Variants in KANSL3 observed in about 807,000 individuals in gnomAD.
KANSL3 encodes the protein KAT8 regulatory NSL complex subunit 3, also known as NSL complex protein NSL3.
KANSL3 carries 16 observed loss-of-function variants against 89.2 expected under a neutral mutation model. The ratio of observed to expected loss-of-function variants is 0.18; its 90% CI spans 0.12 to 0.27. The LOEUF is 0.27. KANSL3 is among the 10% of genes least tolerant of loss of function. The pLI, the probability that KANSL3 is intolerant of heterozygous loss-of-function variation, is 1.00. For synonymous variants in KANSL3, 385 were observed against 419.7 expected, an observed-to-expected ratio of 0.92 and a Z score of 1.01; for missense variants, 879 against 1,110.6, an observed-to-expected ratio of 0.79 and a Z score of 2.96.
chr2:96,582,108 C>T, the KANSL3 span, among the ~76,000 whole-genome samples: 1 of 152,086 alleles, frequency 6.6e-6, no homozygotes, highest in Non-Finnish European at 1.5e-5. Context: ...GTCAGTAACT[C>T]GGCCAGGTGC....
chr2:96,589,453 G>GA (rs2066259535), downstream of KANSL3, among the ~76,000 whole-genome samples: 1 of 152,168 alleles, frequency 6.6e-6, no homozygotes, highest in Admixed American at 6.5e-5. Flanking sequence ...AACAGGGACA[G>GA]AGGGACATTA....
intron 2 of KANSL3, 39 bp from the exon 3 acceptor site, chr2:96,631,521 C>T: frequency 6.4e-7 from 1 of 1,552,058 alleles, no homozygotes; most frequent in Non-Finnish European, 8.7e-7. Flanking sequence ...GCCACACATA[C>T]TTCACAGGTA....
At chr2:96,636,893 C>A in intron 2 of KANSL3, 28 bp downstream of exon 2, 1 of 1,479,830 alleles carries the variant, frequency 6.8e-7, no homozygotes, top group South Asian at 1.4e-5. Flanking sequence ...AGTGAGGTTA[C>A]CAGCAGCCCT....
intron 20 of KANSL3, 108 bp downstream of exon 20, chr2:96,601,535 G>A: frequency 6.9e-7 from 1 of 1,438,856 alleles, no homozygotes; most frequent in Admixed American, 2.8e-5. Flanking sequence ...ATTTGAATCT[G>A]AATCTCGTCT....
rs1008580058 is a variant in KANSL3, at chr2:96,613,599, C to A, written c.684G>T (p.Arg228=). The A allele has an allele frequency of 6.2e-7, 1 of 1,612,778 alleles. No homozygotes were observed. The highest frequency in any genetic ancestry group is 8.5e-7 in the Non-Finnish European group (1 of 1,179,384). Residue 228 remains arginine (R), a synonymous_variant, in exon 6 of 21, where the codon CGG becomes CGT. Coordinates refer to ENST00000431828, the MANE Select transcript of KANSL3 (RefSeq NM_001115016.3). ...LKGKIPTLID[R]MLVSSNTKTG... is the part of the protein sequence containing the mutation. Reference sequence around the variant, plus strand: ...TCTTTGTGTTGGATGACACAAGCATCCGGTCAATCAAGGTTGGGATCTACA... The same window carrying A: ...TCTTTGTGTTGGATGACACAAGCATACGGTCAATCAAGGTTGGGATCTACA...
Position 96,608,908 on chromosome 2 carries a change from C to A in KANSL3, c.1540G>T (p.Ala514Ser), listed in dbSNP as rs2068417397. 3.2e-6 allele frequency: 5 copies of A among 1,574,832 alleles called. No homozygotes were observed. The Admixed American group carries it at 9.3e-5, about 29-fold the overall frequency. Reference sequence around the variant, plus strand: ...GCGGGCAGCTTGGCAGCTGGGGAGGCAGGTCGACTGCCCCGCTCAGGGACT... The same window carrying A: ...GCGGGCAGCTTGGCAGCTGGGGAGGAAGGTCGACTGCCCCGCTCAGGGACT... The part of the protein sequence containing the change: ...FEVPERGSRP[A>S]SPAAKLPASP... The change falls in exon 13 of 21, where the codon GCC (alanine) becomes TCC (serine). Residue 514 changes from alanine (A) to serine (S), a missense_variant. Around this residue, in one of 6 missense-constraint regions of KANSL3, gnomAD observed 317 missense variants for 311.2 expected, o/e 1.02. Transcript: ENST00000431828.
chr2:96,632,296 G>A (rs530130989), intron 2 of KANSL3, among the ~76,000 whole-genome samples: 110 of 152,186 alleles, frequency 7.2e-4, no homozygotes, highest in Non-Finnish European at 1.4e-3. Context: ...GCAAAACCCC[G>A]TCTCTAAAAC....
chr2:96,636,666 CA>C, intron 2 of KANSL3: 1 of 400,894 alleles, frequency 2.5e-6, no homozygotes, highest in East Asian at 3.9e-5. Context: ...CCCCTTTCCA[CA>C]CGTCCTACTA....
In KANSL3 at chr2:96,636,785, CT is replaced by C; in HGVS notation, c.215+135del. On this transcript the variant is annotated intron_variant, in intron 2 of 20. Transcript: ENST00000431828. The stretch of plus-strand genomic sequence containing the variant: ...ATTCAAGCCTGCTATCCTTATGCTG[CT>C]TAAGAGATGCCTGAATTTAACATCC... 4.1e-6 allele frequency: 3 copies of C among 735,256 alleles called. No individual in the cohort carries two copies. In the South Asian group the frequency reaches 6.0e-5, roughly 15 times the overall value. 45.5% of individuals were successfully genotyped at this position (735,256 alleles called of 1,614,324 possible). A position where few individuals can be genotyped will look rare whatever the true frequency, so the allele number is the denominator to read the frequency against.
intron 3 of KANSL3, among the ~76,000 whole-genome samples, chr2:96,626,571 A>G (rs1479525040): frequency 6.6e-6 from 1 of 152,210 alleles, no homozygotes; most frequent in Non-Finnish European, 1.5e-5. Context: ...ACATTCTTTC[A>G]CTAAAATGTT....
chr2:96,611,320 T>C (rs548017768), intron 9 of KANSL3, among the ~76,000 whole-genome samples, 182 bp from the exon 10 acceptor site: 1 of 152,240 alleles, frequency 6.6e-6, no homozygotes, highest in South Asian at 2.1e-4. Context: ...AGGTATGTCA[T>C]TCCATAAGCA....
intron 2 of KANSL3, among the ~76,000 whole-genome samples, chr2:96,632,822 C>T (rs1003231016): frequency 1.3e-5 from 2 of 151,692 alleles, no homozygotes; most frequent in African/African-American, 2.4e-5. Context: ...AAAATTTAGC[C>T]AGCCATGGTA....
At chr2:96,623,865 T>C (rs773988956) in intron 3 of KANSL3, among the ~76,000 whole-genome samples, 7 of 152,242 alleles carry the variant, frequency 4.6e-5, no homozygotes, top group Non-Finnish European at 1.0e-4. Context: ...GGGATGACTG[T>C]CTTCTTCAGA....
the KANSL3 span, among the ~76,000 whole-genome samples, chr2:96,586,601 T>A: frequency 6.6e-6 from 1 of 152,234 alleles, no homozygotes; most frequent in Admixed American, 6.5e-5. Flanking sequence ...TATTTCATTT[T>A]CCTTTCATGG....
intron 2 of KANSL3, chr2:96,636,660 T>C (rs2074288260): frequency 5.1e-6 from 2 of 393,770 alleles, no homozygotes; most frequent in Admixed American, 8.2e-5. Context: ...GATTTTCCCC[T>C]TTCCACACGT....
intron 5 of KANSL3, among the ~76,000 whole-genome samples, chr2:96,614,169 G>A (rs1330093649): frequency 6.6e-6 from 1 of 152,162 alleles, no homozygotes; most frequent in Non-Finnish European, 1.5e-5. Flanking sequence ...TTGGCTCACT[G>A]CCACCTCTGC....
chr2:96,613,659 C>G, intron 5 of KANSL3, 40 bp from the exon 6 acceptor site: 2 of 1,595,050 alleles, frequency 1.3e-6, no homozygotes, highest in South Asian at 1.1e-5. Context: ...CAGTGTAAAG[C>G]AGGAGACCTT....
intron 3 of KANSL3, 58 bp downstream of exon 3, chr2:96,631,254 A>G (rs1276593007): frequency 8.0e-7 from 1 of 1,252,338 alleles, no homozygotes; most frequent in Non-Finnish European, 1.2e-6. Flanking sequence ...TGTTATTTCA[A>G]TGAAGATGAT....
In KANSL3 at chr2:96,593,494, T is replaced by C. The variant is rs1257329609; in HGVS notation, c.*2117A>G. The C allele has an allele frequency of 5.5e-6, 2 of 363,636 alleles. No individual in the cohort carries two copies. Among genetic ancestry groups the C allele is most frequent in the Non-Finnish European group, 1.1e-5 (2 of 183,586 alleles). The allele number at this position is 363,636 out of a possible 1,614,324, so 22.5% of individuals were successfully genotyped here. A position where few individuals can be genotyped will look rare whatever the true frequency, so the allele number is the denominator to read the frequency against. ...AAGAAATATAGTTTGCGAAGGGAAC[T>C]GGAAAACGTGACTCTAGGCCTCAGC... On this transcript the variant is annotated 3_prime_UTR_variant, in exon 21 of 21. Coordinates refer to ENST00000431828, the MANE Select transcript of KANSL3 (RefSeq NM_001115016.3).
Sources: gnomAD v4.1 joint callset for allele counts (sites outside exome capture counted in the v4.1 genomes callset) on GRCh38, gnomAD v4.1.1 for gene constraint, gnomAD v4.1.1 regional missense constraint, MANE v1.5 for transcripts, NCBI Gene and HGNC (gene_info 2026-07-23, HGNC 2026-07-21) for gene names.